GREM2: variants seen among roughly 807,000 people sequenced by gnomAD.
GREM2 encodes gremlin-2.
GREM2 carries 11 observed loss-of-function variants against 14.2 expected under a neutral mutation model. That is an observed-to-expected ratio of 0.78 (90% confidence interval 0.49 to 1.28). GREM2 has a LOEUF of 1.28. Ranked by LOEUF, GREM2 falls within the 50% of genes most tolerant of loss-of-function variation. GREM2 has a pLI of 0.00. For synonymous variants in GREM2, 98 were observed against 97.6 expected, an observed-to-expected ratio of 1.00 and a Z score of -0.02; for missense variants, 210 against 218.5, an observed-to-expected ratio of 0.96 and a Z score of 0.24.
intron 1 of GREM2, among the ~76,000 whole-genome samples, chr1:240,601,064 A>G (rs1679913447): frequency 6.6e-6 from 1 of 152,180 alleles, no homozygotes; most frequent in Non-Finnish European, 1.5e-5. Flanking sequence ...ATAGTAATAA[A>G]CTGTTCTTCC....
intron 1 of GREM2, chr1:240,588,927 C>T (rs973465556): frequency 6.6e-6 from 1 of 152,038 alleles, no homozygotes; most frequent in East Asian, 1.9e-4. Context: ...GCCTGGGCAA[C>T]ATAATGAGAC....
At chr1:240,587,616 C>G (rs912843321) in intron 1 of GREM2, among the ~76,000 whole-genome samples, 8 of 152,282 alleles carry the variant, frequency 5.3e-5, no homozygotes, top group East Asian at 3.9e-4. Flanking sequence ...GCTACCATAC[C>G]AGCCGTTTTC....
chr1:240,606,957 C>T (rs1441388318), intron 1 of GREM2, among the ~76,000 whole-genome samples: 4 of 152,172 alleles, frequency 2.6e-5, no homozygotes, highest in African/African-American at 7.2e-5. Context: ...GGATTACAGG[C>T]GTGAGCCACT....
At position 240,540,139 on chromosome 1, in the gene GREM2, T is replaced by G. The variant is rs1478203941; in HGVS notation, c.-1-46663A>C. On this transcript the variant is annotated intron_variant, in intron 1 of 1. Transcript: ENST00000318160. This position sits in a 1 kb window ranked among gnomAD's most constrained non-coding sequence, Gnocchi z 4.2. ...TCTTTAATTGAAACCTAGTATTATT[T>G]TATTCCTCTCTGCAGAGAGGAAACC... is the stretch of plus-strand genomic sequence containing the variant. Among the ~76,000 whole-genome samples, 7 of 152,196 alleles carry G rather than the reference T, an allele frequency of 4.6e-5. No individual in the cohort carries two copies.
Position 240,542,087 on chromosome 1 carries a change from C to T in GREM2, c.-1-48611G>A, listed in dbSNP as rs1678602219. 6.6e-6 allele frequency among the ~76,000 whole-genome samples: 1 copy of T among 152,078 alleles called. No homozygotes were observed. Among genetic ancestry groups the T allele is most frequent in the Non-Finnish European group, 1.5e-5 (1 of 68,022 alleles). On this transcript the variant is annotated intron_variant, in intron 1 of 1. Coordinates refer to ENST00000318160, the MANE Select transcript of GREM2 (RefSeq NM_022469.4). The surrounding 1 kb of genome is among the most constrained non-coding windows in gnomAD (Gnocchi z 4.1). ...TTTTTGGTCATCACCACTATGACGG[C>T]TGCTACTGAAATCTAGAAGGTCGAG...
intron 1 of GREM2, among the ~76,000 whole-genome samples, chr1:240,513,468 G>C (rs111507804): frequency 2.0e-5 from 3 of 151,668 alleles, no homozygotes; most frequent in East Asian, 3.9e-4. Flanking sequence ...CCAGCTACTC[G>C]GGAGGCTGAG....
rs141779314 is a variant in GREM2, at chr1:240,510,780, G to A, written c.-1-17304C>T. On this transcript the variant is annotated intron_variant, in intron 1 of 1. Transcript: ENST00000318160. ...GTTCTCTTTTTCTCTAAGAAAATAC[G>A]TAAGTGAAGGTTTTGTGATTATGCT... Among the ~76,000 whole-genome samples the A allele has an allele frequency of 3.7e-4, 57 of 152,256 alleles. 1 individual carries two copies. Among genetic ancestry groups the A allele is most frequent in the South Asian group, 1.7e-3 (8 of 4,818 alleles).
chr1:240,565,697 T>A (rs4659980), intron 1 of GREM2, among the ~76,000 whole-genome samples: 42,298 of 151,434 alleles, frequency 0.28, 6,240 homozygotes, highest in East Asian at 0.39. Context: ...ATACAAAAAA[T>A]TAGCTGAGTG....
At chr1:240,535,630 C>T (rs1330842387) in intron 1 of GREM2, among the ~76,000 whole-genome samples, 1 of 151,858 alleles carries the variant, frequency 6.6e-6, no homozygotes, top group African/African-American at 2.4e-5. Flanking sequence ...GAAACCCTGT[C>T]TCTACTAAAA....
chr1:240,541,066 A>G (rs1464987139), intron 1 of GREM2, among the ~76,000 whole-genome samples: 2 of 152,350 alleles, frequency 1.3e-5, no homozygotes, highest in East Asian at 3.9e-4. Flanking sequence ...CCAATGGTGA[A>G]TACAAAGAGA....
chr1:240,522,116 T>A (rs1678113085), intron 1 of GREM2, among the ~76,000 whole-genome samples: 1 of 123,102 alleles, frequency 8.1e-6, no homozygotes, highest in Non-Finnish European at 1.6e-5. Context: ...CAAAACCCTG[T>A]CTCCAAAAAA....
chr1:240,595,107 C>T (rs376116947), intron 1 of GREM2, among the ~76,000 whole-genome samples: 3 of 152,132 alleles, frequency 2.0e-5, no homozygotes, highest in East Asian at 1.9e-4. Flanking sequence ...GAAGTATGGC[C>T]GGGCGTGGTG....
At chr1:240,536,070 A>T (rs1678463704) in intron 1 of GREM2, among the ~76,000 whole-genome samples, 2 of 23,076 alleles carry the variant, frequency 8.7e-5, no homozygotes, top group Admixed American at 5.5e-4. Context: ...GGAGCTGAAG[A>T]CTGGTAAGAC....
In GREM2 at chr1:240,564,403, G is replaced by A. The variant is rs187654222; in HGVS notation, c.-2+47481C>T. Among the ~76,000 whole-genome samples, 3 of 151,852 alleles carry A rather than the reference G, an allele frequency of 2.0e-5. No homozygotes were observed. In the East Asian group the frequency reaches 5.8e-4, roughly 30 times the overall value. The stretch of plus-strand genomic sequence containing the variant: ...TGCGCCTGTAGTCCCAACTACTTGG[G>A]AGGCTGAAGCAGGAGGATCACTTGA... On this transcript the variant is annotated intron_variant, in intron 1 of 1. Coordinates refer to ENST00000318160, the MANE Select transcript of GREM2 (RefSeq NM_022469.4).
intron 1 of GREM2, among the ~76,000 whole-genome samples, chr1:240,580,554 A>G (rs1007858497): frequency 1.3e-5 from 2 of 152,172 alleles, no homozygotes; most frequent in African/African-American, 4.8e-5. Flanking sequence ...TCTGTGCAAC[A>G]TTTAGTTGAA....
chr1:240,492,943 G>T lies in GREM2; in HGVS notation c.*26C>A. 1 of 1,479,668 alleles carries T rather than the reference G, an allele frequency of 6.8e-7. No homozygotes were observed. The highest frequency in any genetic ancestry group is 9.0e-7 in the Non-Finnish European group (1 of 1,113,640). 91.7% of individuals were successfully genotyped at this position (1,479,668 alleles called of 1,614,324 possible). On this transcript the variant is annotated 3_prime_UTR_variant, in exon 2 of 2. Transcript: ENST00000318160. ...GCCACCCAGCGGCCGGGCGCGCGCG[G>T]GGCTGAGCTGCGTCCGGCCCGGCGC...
At chr1:240,563,078 TGTGA>T (rs767378024) in intron 1 of GREM2, among the ~76,000 whole-genome samples, 22 of 150,932 alleles carry the variant, frequency 1.5e-4, no homozygotes, top group Admixed American at 2.0e-4. Flanking sequence ...TGTGTGTATA[TGTGA>T]GTGTGTGTAT....
At chr1:240,580,009 T>C (rs1182929116) in intron 1 of GREM2, among the ~76,000 whole-genome samples, 1 of 152,202 alleles carries the variant, frequency 6.6e-6, no homozygotes, top group East Asian at 1.9e-4. Flanking sequence ...ATCTGTGATA[T>C]GCACACAAAT....
intron 1 of GREM2, among the ~76,000 whole-genome samples, chr1:240,520,496 C>CT (rs1199547296): frequency 1.3e-5 from 2 of 152,112 alleles, no homozygotes; most frequent in Non-Finnish European, 2.9e-5. Flanking sequence ...ATAAAAGTGT[C>CT]TTTTTTTCCT....
Sources: gnomAD v4.1 joint callset for allele counts (sites outside exome capture counted in the v4.1 genomes callset) on GRCh38, gnomAD v4.1.1 for gene constraint, Gnocchi (gnomAD v3.1) non-coding constraint, MANE v1.5 for transcripts, NCBI Gene and HGNC (gene_info 2026-07-23, HGNC 2026-07-21) for gene names.